The following RIMS2 variants were observed in gnomAD, a reference collection of about 807,000 sequenced individuals.
RIMS2 encodes regulating synaptic membrane exocytosis 2, also known as regulating synaptic membrane exocytosis protein 2.
A neutral mutation model predicts 174.4 loss-of-function variants in RIMS2; 59 were observed. That is an observed-to-expected ratio of 0.34 (90% CI 0.27 to 0.42). The LOEUF is 0.42. RIMS2 is among the 10% of genes least tolerant of loss of function. RIMS2 has a pLI of 1.00. For synonymous variants in RIMS2, 606 were observed against 572.5 expected (o/e 1.06, Z -0.84); for missense variants, 1,620 against 1,666.3 (o/e 0.97, Z 0.48).
At chr8:103,911,838 A>G (rs1001273089) in intron 5 of RIMS2, among the ~76,000 whole-genome samples, 1 of 152,256 alleles carries the variant, frequency 6.6e-6, no homozygotes, top group African/African-American at 2.4e-5. Context: ...TTGGATTTTG[A>G]AAAAAACTTT....
chr8:104,006,631 T>TCTCTCC (rs2095589298), intron 17 of RIMS2, among the ~76,000 whole-genome samples: 3 of 41,068 alleles, frequency 7.3e-5, no homozygotes, highest in African/African-American at 2.9e-4. Flanking sequence ...TCTATTTCTC[T>TCTCTCC]CTCTCTCTCT....
intron 19 of RIMS2, among the ~76,000 whole-genome samples, chr8:104,231,647 T>C (rs968981073): frequency 2.6e-5 from 4 of 152,224 alleles, no homozygotes; most frequent in Admixed American, 2.6e-4. Context: ...AGACAATTTC[T>C]TTCAGCTTTA....
intron 2 of RIMS2, among the ~76,000 whole-genome samples, chr8:103,749,401 G>A (rs575172009): frequency 6.6e-6 from 1 of 152,028 alleles, no homozygotes; most frequent in Non-Finnish European, 1.5e-5. Flanking sequence ...CATGAGCCAC[G>A]GCGCCTGGCC....
chr8:103,967,172 T>TG (rs2092085955), intron 15 of RIMS2, among the ~76,000 whole-genome samples: 1 of 45,764 alleles, frequency 2.2e-5, no homozygotes, highest in African/African-American at 7.5e-5. Context: ...CTGTTCTTGT[T>TG]TTTTTTTTTT....
Position 103,683,061 on chromosome 8 carries a change from T to C in RIMS2, c.177-14025T>C, listed in dbSNP as rs147103082. On this transcript the variant is annotated intron_variant, in intron 1 of 23. Coordinates refer to ENST00000504942, the Ensembl canonical transcript of RIMS2. ...CATAGTCATTATAGTTATAGCACAG[T>C]TCAGTCACCTGGATTTTTAGTTTCT... is the stretch of plus-strand genomic sequence containing the variant. Among the ~76,000 whole-genome samples, 941 of 152,330 alleles carry C rather than the reference T, an allele frequency of 6.2e-3. 12 individuals carry two copies. Among genetic ancestry groups the C allele is most frequent in the African/African-American group, 0.021 (891 of 41,578 alleles).
intron 19 of RIMS2, among the ~76,000 whole-genome samples, chr8:104,168,442 G>A (rs1441406937): frequency 6.6e-6 from 1 of 151,900 alleles, no homozygotes; most frequent in Admixed American, 6.6e-5. Flanking sequence ...AAAGGGATTG[G>A]GTTGTTCATT....
chr8:104,138,405 G>T lies in RIMS2; in HGVS notation c.3335-106511G>T, dbSNP rs145323890. ...TACATTCCCACCAACGGTGTAAGAGGGTTCCCTTTTTTGCACATTCTCGCC... is the reference window on the plus strand; with the variant it reads ...TACATTCCCACCAACGGTGTAAGAGTGTTCCCTTTTTTGCACATTCTCGCC... On this transcript the variant is annotated intron_variant, in intron 19 of 23. Transcript: ENST00000504942. 2.6e-3 allele frequency among the ~76,000 whole-genome samples: 400 copies of T among 152,088 alleles called. 1 individual carries two copies. The highest frequency in any genetic ancestry group is 4.2e-3 in the Non-Finnish European group (286 of 67,970).
In RIMS2 at chr8:103,786,118, C is replaced by A. The variant is rs192220339; in HGVS notation, c.698+19581C>A. Among the ~76,000 whole-genome samples the A allele has an allele frequency of 3.9e-3, 586 of 152,080 alleles. 5 individuals are homozygous for A. The highest frequency in any genetic ancestry group is 3.1e-3 in the Non-Finnish European group (211 of 67,992). ...ATTTCTGTGGGATTGGTGGTGATAT[C>A]CCCTTTATCATTTTTTATTGCGTCT... On this transcript the variant is annotated intron_variant, in intron 3 of 23. Coordinates refer to ENST00000504942, the Ensembl canonical transcript of RIMS2.
intron 1 of RIMS2, among the ~76,000 whole-genome samples, chr8:103,580,213 T>C (rs2132751267): frequency 6.6e-6 from 1 of 152,120 alleles, no homozygotes; most frequent in African/African-American, 2.4e-5. Flanking sequence ...TAAATGGACT[T>C]AATTCTCCAA....
At chr8:103,634,518 G>A (rs7003098) in intron 1 of RIMS2, among the ~76,000 whole-genome samples, 27,696 of 152,160 alleles carry the variant, frequency 0.18, 2,771 homozygotes, top group African/African-American at 0.26. Flanking sequence ...GAAAACTTCT[G>A]TAAAGGTTTA....
chr8:103,757,400 A>G (rs914482517), intron 2 of RIMS2, among the ~76,000 whole-genome samples: 5 of 152,082 alleles, frequency 3.3e-5, no homozygotes, highest in African/African-American at 9.7e-5. Flanking sequence ...CTATTCTTGC[A>G]TCTTTGGTTT....
At chr8:103,864,128 C>A (rs549150291) in intron 3 of RIMS2, among the ~76,000 whole-genome samples, 4 of 151,978 alleles carry the variant, frequency 2.6e-5, no homozygotes, top group Admixed American at 1.3e-4. Context: ...AGGCTGAGAA[C>A]CAACTTTCAT....
intron 19 of RIMS2, among the ~76,000 whole-genome samples, chr8:104,212,759 G>A (rs556911893): frequency 1.3e-5 from 2 of 152,254 alleles, no homozygotes; most frequent in South Asian, 2.1e-4. Context: ...CAGTAATTTA[G>A]TGCTATTATA....
intron 1 of RIMS2, among the ~76,000 whole-genome samples, chr8:103,597,704 C>A (rs1466572759): frequency 6.6e-6 from 1 of 150,994 alleles, no homozygotes; most frequent in Non-Finnish European, 1.5e-5. Flanking sequence ...TGATAGGTAA[C>A]TATAAAGGCA....
chr8:103,574,957 G>A (rs1356291459), intron 1 of RIMS2, among the ~76,000 whole-genome samples: 1 of 152,144 alleles, frequency 6.6e-6, no homozygotes, highest in Non-Finnish European at 1.5e-5. Flanking sequence ...CACAATATCA[G>A]CATTGTAGCT....
chr8:104,140,311 A>G (rs1322973570), intron 19 of RIMS2, among the ~76,000 whole-genome samples: 1 of 152,108 alleles, frequency 6.6e-6, no homozygotes, highest in African/African-American at 2.4e-5. Flanking sequence ...AGCTTTTCTC[A>G]TCTCTGATTC....
At chr8:103,791,280 G>T (rs1282361688) in intron 3 of RIMS2, among the ~76,000 whole-genome samples, 1 of 152,160 alleles carries the variant, frequency 6.6e-6, no homozygotes. Flanking sequence ...CATTCTTAAA[G>T]AAAAGAATTT....
chr8:104,148,786 A>G (rs532109963), intron 19 of RIMS2: 2 of 1,598,462 alleles, frequency 1.3e-6, no homozygotes, highest in African/African-American at 2.7e-5. Context: ...CTTGGTGCCA[A>G]AATGGTAGCT....
chr8:103,660,612 CA>C (rs766551008), intron 1 of RIMS2, among the ~76,000 whole-genome samples: 4 of 145,058 alleles, frequency 2.8e-5, no homozygotes, highest in African/African-American at 7.8e-5. Context: ...AAAACAAAAA[CA>C]AAAAAACAAA....
Sources: gnomAD v4.1 joint callset for allele counts (sites outside exome capture counted in the v4.1 genomes callset) on GRCh38, gnomAD v4.1.1 for gene constraint, MANE v1.5 for transcripts, NCBI Gene and HGNC (gene_info 2026-07-23, HGNC 2026-07-21) for gene names.